The following KCNH8 variants were observed in gnomAD, a reference collection of about 807,000 sequenced individuals.
KCNH8 encodes the protein voltage-gated delayed rectifier potassium channel KCNH8.
A neutral mutation model predicts 103.6 loss-of-function variants in KCNH8; 70 were observed. That is an observed-to-expected ratio of 0.68 (90% CI 0.56 to 0.82). The LOEUF is 0.82. Among genes scored for constraint, KCNH8 ranks in the 40% least tolerant of loss-of-function variants. The pLI is 0.00. For synonymous variants in KCNH8, 498 were observed against 489.4 expected (o/e 1.02, Z -0.23); for missense variants, 1,217 against 1,329.9 (o/e 0.92, Z 1.32).
chr3:19,373,573 T>A (rs570219014), intron 5 of KCNH8, among the ~76,000 whole-genome samples: 1 of 152,112 alleles, frequency 6.6e-6, no homozygotes, highest in Admixed American at 6.5e-5. Context: ...CTGGATTCAT[T>A]AATTTTTTGA....
chr3:19,325,213 A>G (rs1423795750), intron 3 of KCNH8, among the ~76,000 whole-genome samples: 1 of 152,222 alleles, frequency 6.6e-6, no homozygotes, highest in African/African-American at 2.4e-5. Context: ...GATGAATTAA[A>G]GACTTAAATG....
chr3:19,329,839 C>T (rs571725957), intron 3 of KCNH8, among the ~76,000 whole-genome samples: 1 of 152,030 alleles, frequency 6.6e-6, no homozygotes, highest in Non-Finnish European at 1.5e-5. Flanking sequence ...ATGGAATACA[C>T]AAGTGGCTCC....
At chr3:19,193,813 C>T (rs552392356) in intron 1 of KCNH8, among the ~76,000 whole-genome samples, 5 of 151,802 alleles carry the variant, frequency 3.3e-5, no homozygotes, top group East Asian at 1.9e-4. Flanking sequence ...CAAACATCTT[C>T]GGAAGCTTAT....
At chr3:19,504,679 C>T (rs2068656443) in intron 11 of KCNH8, among the ~76,000 whole-genome samples, 1 of 152,056 alleles carries the variant, frequency 6.6e-6, no homozygotes, top group Non-Finnish European at 1.5e-5. Flanking sequence ...CAGAAAATAA[C>T]AGATGCTGGA....
intron 2 of KCNH8, among the ~76,000 whole-genome samples, chr3:19,278,028 G>C (rs1207730816): frequency 6.6e-6 from 1 of 152,118 alleles, no homozygotes; most frequent in East Asian, 1.9e-4. Flanking sequence ...GGCCTGAATT[G>C]CTCTTGACTG....
intron 11 of KCNH8, among the ~76,000 whole-genome samples, chr3:19,480,280 G>C (rs1372014519): frequency 6.6e-6 from 1 of 152,188 alleles, no homozygotes; most frequent in Non-Finnish European, 1.5e-5. Context: ...AGAAGCTTGA[G>C]AGTAAGCTTC....
At chr3:19,437,795 T>G (rs1367122156) in intron 7 of KCNH8, among the ~76,000 whole-genome samples, 1 of 152,216 alleles carries the variant, frequency 6.6e-6, no homozygotes, top group Non-Finnish European at 1.5e-5. Context: ...ACTCAATTTC[T>G]TTGTTTCTTC....
intron 3 of KCNH8, among the ~76,000 whole-genome samples, chr3:19,333,610 A>G (rs1237516912): frequency 6.6e-6 from 1 of 152,198 alleles, no homozygotes; most frequent in Non-Finnish European, 1.5e-5. Context: ...AAAATTAACA[A>G]TAGACTGTTG....
intron 1 of KCNH8, among the ~76,000 whole-genome samples, chr3:19,242,482 A>G (rs1380424526): frequency 2.0e-5 from 3 of 152,194 alleles, no homozygotes; most frequent in Non-Finnish European, 4.4e-5. Context: ...AGTTCTATGA[A>G]CTAAGCTAAT....
chr3:19,399,182 A>C (rs1214572040), intron 7 of KCNH8, among the ~76,000 whole-genome samples: 1 of 151,952 alleles, frequency 6.6e-6, no homozygotes, highest in East Asian at 1.9e-4. Context: ...TTAAAGAGAC[A>C]TGTCACAACT....
intron 1 of KCNH8, among the ~76,000 whole-genome samples, chr3:19,243,587 C>T (rs749425048): frequency 5.3e-5 from 8 of 152,150 alleles, no homozygotes; most frequent in Non-Finnish European, 1.2e-4. Context: ...TTGAATACCA[C>T]TAGCTTTTGC....
chr3:19,376,444 T>C (rs9859268), intron 5 of KCNH8, among the ~76,000 whole-genome samples: 4 of 152,064 alleles, frequency 2.6e-5, no homozygotes, highest in African/African-American at 9.7e-5. Context: ...GCAATGCCTC[T>C]CCCTGCTTCG....
chr3:19,191,727 C>G (rs1047204690), intron 1 of KCNH8, among the ~76,000 whole-genome samples: 17 of 151,682 alleles, frequency 1.1e-4, no homozygotes, highest in Admixed American at 1.1e-3. Flanking sequence ...CTGCATTCTG[C>G]GGGGAGGTCC....
chr3:19,170,735 C>CAT (rs1231439099), intron 1 of KCNH8, among the ~76,000 whole-genome samples: 14 of 114,568 alleles, frequency 1.2e-4, no homozygotes, highest in Admixed American at 5.3e-4. Context: ...TATACACACA[C>CAT]ATATATATAC....
chr3:19,297,302 G>A (rs377351338), intron 3 of KCNH8, among the ~76,000 whole-genome samples: 2 of 152,164 alleles, frequency 1.3e-5, no homozygotes, highest in Non-Finnish European at 2.9e-5. Flanking sequence ...GCTATAATAT[G>A]AGCTTAAGGA....
intron 5 of KCNH8, among the ~76,000 whole-genome samples, chr3:19,384,393 T>G (rs965686763): frequency 6.6e-6 from 1 of 152,338 alleles, no homozygotes; most frequent in East Asian, 1.9e-4. Context: ...TTTGTGATAC[T>G]TAAGTATATT....
chr3:19,395,247 G>A lies in KCNH8; in HGVS notation c.1113G>A (p.Ala371=), dbSNP rs754907543. The A allele has an allele frequency of 3.0e-5, 48 of 1,609,662 alleles. No individual in the cohort carries two copies. Among genetic ancestry groups the A allele is most frequent in the South Asian group, 1.7e-4 (15 of 90,486 alleles). ...TTGCACTCCTTGCACACTGGATGGC[G>A]TGTATCTGGTACGTCATTGGAAAAA... ...SMFALLAHWM[A]CIWYVIGKME... The change falls in exon 7 of 16, where the codon GCG becomes GCA. Residue 371 remains alanine, a synonymous_variant. Transcript: ENST00000328405.
At chr3:19,449,237 G>C (rs1158456020) in intron 8 of KCNH8, among the ~76,000 whole-genome samples, 2 of 151,256 alleles carry the variant, frequency 1.3e-5, no homozygotes, top group Non-Finnish European at 2.9e-5. Context: ...GGCTTAGCAA[G>C]AAACTGGAGG....
At chr3:19,331,549 C>G (rs1434573574) in intron 3 of KCNH8, among the ~76,000 whole-genome samples, 1 of 152,016 alleles carries the variant, frequency 6.6e-6, no homozygotes, top group Non-Finnish European at 1.5e-5. Flanking sequence ...CCTCGGCCTC[C>G]CAAAGTGCTG....
Sources: allele counts gnomAD v4.1 joint callset (sites outside exome capture counted in the v4.1 genomes callset), GRCh38; gene constraint gnomAD v4.1.1; transcripts MANE v1.5; gene names NCBI Gene and HGNC (gene_info 2026-07-23, HGNC 2026-07-21).